Variants in ELF2 observed in about 807,000 individuals in gnomAD.
ELF2 encodes E74 like ETS transcription factor 2, also known as ETS-related transcription factor Elf-2.
Under a neutral mutation model 54.8 loss-of-function variants are expected in ELF2, and 11 were observed. The observed-to-expected ratio is 0.20, with a 90% CI of 0.13 to 0.33. The LOEUF (loss-of-function observed/expected upper bound fraction) is 0.33. Among genes scored for constraint, ELF2 ranks in the 10% least tolerant of loss-of-function variants. The pLI, the probability that ELF2 is intolerant of heterozygous loss-of-function variation, is 1.00. For missense variants in ELF2, 513 were observed against 703.0 expected, an observed-to-expected ratio of 0.73 and a Z score of 3.06; for synonymous variants, 203 against 245.1, an observed-to-expected ratio of 0.83 and a Z score of 1.61.
At chr4:139,156,609 T>G (rs1165520345) in intron 1 of ELF2, among the ~76,000 whole-genome samples, 3 of 149,840 alleles carry the variant, frequency 2.0e-5, no homozygotes, top group Non-Finnish European at 1.5e-5. Flanking sequence ...TATATATATA[T>G]ATATTTGTTG....
chr4:139,107,955 CAGG>C (rs1386526148), intron 4 of ELF2, among the ~76,000 whole-genome samples: 1 of 149,470 alleles, frequency 6.7e-6, no homozygotes, highest in African/African-American at 2.5e-5. Flanking sequence ...GCTAGAGAGC[CAGG>C]AGAAGAGAAA....
chr4:139,095,017 GTTAA>G (rs1733099524), intron 4 of ELF2, among the ~76,000 whole-genome samples: 3 of 152,016 alleles, frequency 2.0e-5, no homozygotes, highest in African/African-American at 7.2e-5. Context: ...AATTTTATGT[GTTAA>G]TTAAGTCATC....
chr4:139,114,644 T>TTC lies in ELF2; in HGVS notation c.238+10519_238+10520insGA, dbSNP rs200795592. ...TGACATGGATTTTTTTTTTCTTTCT[T>TTC]TTTTTTTTTTTTTTTTGCACCAAAG... On this transcript the variant is annotated intron_variant, in intron 4 of 9. Transcript: ENST00000686138. 7.7e-4 allele frequency among the ~76,000 whole-genome samples: 51 copies of TTC among 66,660 alleles called. 3 individuals are homozygous for TTC. Among genetic ancestry groups the TTC allele is most frequent in the Non-Finnish European group, 9.5e-4 (29 of 30,546 alleles). The allele number at this position is 66,660 out of a possible 152,430, so 43.7% of individuals were successfully genotyped here. A position where few individuals can be genotyped will look rare whatever the true frequency, so the allele number is the denominator to read the frequency against.
intron 4 of ELF2, chr4:139,115,145 C>G: frequency 6.2e-7 from 1 of 1,613,368 alleles, no homozygotes; most frequent in Non-Finnish European, 8.5e-7. Flanking sequence ...GTGAGCTGCT[C>G]CAGGATCCAC....
chr4:139,148,097 C>G (rs1468398497), intron 1 of ELF2, among the ~76,000 whole-genome samples: 1 of 53,062 alleles, frequency 1.9e-5, no homozygotes, highest in African/African-American at 1.1e-4. Flanking sequence ...AGACCCTGTA[C>G]CTTAAAAAAA....
chr4:139,151,034 AAGAAAG>A (rs1430828194), intron 1 of ELF2, among the ~76,000 whole-genome samples: 1 of 42,480 alleles, frequency 2.4e-5, no homozygotes, highest in East Asian at 1.0e-3. Flanking sequence ...AAAAAAAAAA[AAGAAAG>A]AAAGAAAGAA....
intron 1 of ELF2, among the ~76,000 whole-genome samples, chr4:139,166,392 A>G (rs1014634637): frequency 1.3e-5 from 2 of 152,038 alleles, no homozygotes; most frequent in African/African-American, 2.4e-5. Flanking sequence ...CTCAAAAAAT[A>G]AATAAGTAAA....
intron 1 of ELF2, among the ~76,000 whole-genome samples, chr4:139,143,892 A>T (rs1331510830): frequency 1.3e-5 from 2 of 152,142 alleles, no homozygotes; most frequent in African/African-American, 2.4e-5. Flanking sequence ...AGAAGACCTT[A>T]AATACACCTT....
intron 1 of ELF2, among the ~76,000 whole-genome samples, chr4:139,172,380 T>C (rs1414992687): frequency 6.6e-6 from 1 of 152,220 alleles, no homozygotes; most frequent in Non-Finnish European, 1.5e-5. Context: ...CTGAGCAGCA[T>C]GATGAAACCT....
intron 4 of ELF2, among the ~76,000 whole-genome samples, chr4:139,083,905 C>G (rs1731559006): frequency 6.6e-6 from 1 of 152,244 alleles, no homozygotes; most frequent in East Asian, 1.9e-4. Context: ...CGAACCCACC[C>G]TGAAGCGACA....
intron 1 of ELF2, among the ~76,000 whole-genome samples, chr4:139,143,983 C>A (rs1012080683): frequency 6.6e-6 from 1 of 151,802 alleles, no homozygotes; most frequent in African/African-American, 2.4e-5. Flanking sequence ...CTCAAGATGG[C>A]AGATTGGAGG....
chr4:139,114,518 G>A (rs1402739466), intron 4 of ELF2, among the ~76,000 whole-genome samples: 2 of 141,128 alleles, frequency 1.4e-5, no homozygotes, highest in African/African-American at 2.6e-5. Flanking sequence ...AGCTGAGATC[G>A]CGCCACTGCA....
intron 4 of ELF2, among the ~76,000 whole-genome samples, chr4:139,089,199 C>T (rs1732327275): frequency 6.6e-6 from 1 of 152,104 alleles, no homozygotes; most frequent in South Asian, 2.1e-4. Flanking sequence ...CCTAAAGATC[C>T]TTTATCTACA....
At chr4:139,163,904 AAAGG>A (rs1741421352) in intron 1 of ELF2, among the ~76,000 whole-genome samples, 2 of 152,024 alleles carry the variant, frequency 1.3e-5, no homozygotes, top group South Asian at 2.1e-4. Context: ...TATCAAAAAA[AAAGG>A]AAGTAGGAAG....
At chr4:139,081,355 G>C (rs1436702491) in intron 4 of ELF2, among the ~76,000 whole-genome samples, 1 of 152,024 alleles carries the variant, frequency 6.6e-6, no homozygotes, top group East Asian at 1.9e-4. Flanking sequence ...AAGTATATTC[G>C]AGCTTAACAT....
At chr4:139,131,708 A>T (rs1017854218) in intron 3 of ELF2, among the ~76,000 whole-genome samples, 6 of 152,130 alleles carry the variant, frequency 3.9e-5, no homozygotes, top group African/African-American at 1.4e-4. Flanking sequence ...AAACCACTCC[A>T]AATAAATACG....
At chr4:139,135,483 A>C (rs1738061182) in intron 3 of ELF2, among the ~76,000 whole-genome samples, 1 of 150,766 alleles carries the variant, frequency 6.6e-6, no homozygotes, top group East Asian at 1.9e-4. Flanking sequence ...AAATGTCACC[A>C]CTTTGGTGAA....
chr4:139,159,488 G>C (rs1187726399), intron 1 of ELF2, among the ~76,000 whole-genome samples: 2 of 152,204 alleles, frequency 1.3e-5, no homozygotes, highest in African/African-American at 2.4e-5. Context: ...GTAGGTGGGA[G>C]TGGCCAGATG....
intron 1 of ELF2, among the ~76,000 whole-genome samples, chr4:139,150,503 A>T (rs1179877106): frequency 4.1e-5 from 6 of 145,230 alleles, no homozygotes; most frequent in South Asian, 4.4e-4. Context: ...TGGGTGACAG[A>T]GTGAGACCCT....
Sources: allele counts gnomAD v4.1 joint callset (sites outside exome capture counted in the v4.1 genomes callset), GRCh38; gene constraint gnomAD v4.1.1; transcripts MANE v1.5; gene names NCBI Gene and HGNC (gene_info 2026-07-23, HGNC 2026-07-21).